Variants in RICTOR observed in about 807,000 individuals in gnomAD.
RICTOR encodes the protein RPTOR independent companion of MTOR complex 2.
In RICTOR, 49 loss-of-function variants were observed where a neutral mutation model predicts 214.9. The observed-to-expected ratio is 0.23, with a 90% confidence interval of 0.18 to 0.29. The LOEUF is 0.29. RICTOR is among the 10% of genes least tolerant of loss of function. RICTOR has a pLI of 1.00. For synonymous variants in RICTOR, 717 were observed against 711.3 expected, an observed-to-expected ratio of 1.01 and a Z score of -0.13; for missense variants, 1,625 against 2,047.0, an observed-to-expected ratio of 0.79 and a Z score of 3.98.
At chr5:39,052,155 C>A (rs1212296082) in intron 2 of RICTOR, among the ~76,000 whole-genome samples, 1 of 152,068 alleles carries the variant, frequency 6.6e-6, no homozygotes, top group Non-Finnish European at 1.5e-5. Context: ...GGGTGGACTG[C>A]TTGAGAACAA....
rs1752840279 is a variant in RICTOR, at chr5:38,992,221, T to A, written c.457-1146A>T. Reference sequence around the variant, plus strand: ...ATCTACAAAAGCTTTCATATTCATTTCTAAGTCAGTTTTTTCAATTAACTG... The same window carrying A: ...ATCTACAAAAGCTTTCATATTCATTACTAAGTCAGTTTTTTCAATTAACTG... On this transcript the variant is annotated intron_variant, in intron 6 of 37. Coordinates refer to ENST00000357387, the MANE Select transcript of RICTOR (RefSeq NM_152756.5). Among the ~76,000 whole-genome samples the A allele has an allele frequency of 2.0e-5, 3 of 152,166 alleles. No individual in the cohort carries two copies. In the South Asian group the frequency reaches 6.2e-4, roughly 31 times the overall value.
Position 38,957,417 on chromosome 5 carries a change from T to G in RICTOR, c.2499+235A>C, listed in dbSNP as rs148627757. 2.0e-3 allele frequency among the ~76,000 whole-genome samples: 298 copies of G among 152,186 alleles called. 1 individual carries two copies. Among genetic ancestry groups the G allele is most frequent in the African/African-American group, 7.0e-3 (292 of 41,552 alleles). ...AAATGAGTTGAGAGTCAAATTTCAA[T>G]AGAACGAATACAGTCAACAGTTCAG... On this transcript the variant is annotated intron_variant, in intron 25 of 37. Transcript: ENST00000357387.
rs533552284 is a variant in RICTOR, at chr5:39,060,070, G to C, written c.97+14041C>G. On this transcript the variant is annotated intron_variant, in intron 2 of 37. Coordinates refer to ENST00000357387, the MANE Select transcript of RICTOR (RefSeq NM_152756.5). ...TCAGTACCTTATTAGATGTTATTTT[G>C]TCCATATTAGTTATATTTTGTAACT... Among the ~76,000 whole-genome samples the C allele has an allele frequency of 2.0e-5, 3 of 152,062 alleles. No individual in the cohort carries two copies. The South Asian group carries it at 6.2e-4, about 32-fold the overall frequency.
At chr5:38,985,664 G>A (rs989969895) in intron 7 of RICTOR, among the ~76,000 whole-genome samples, 1 of 150,330 alleles carries the variant, frequency 6.7e-6, no homozygotes, top group Admixed American at 6.6e-5. Context: ...TTTTTTCCCT[G>A]TTTAGCCCTT....
Position 39,074,356 on chromosome 5 carries a change from G to T in RICTOR, c.22C>A (p.Arg8Ser). 1 of 1,538,672 alleles carries T rather than the reference G, an allele frequency of 6.5e-7. No individual in the cohort carries two copies. Among genetic ancestry groups the T allele is most frequent in the Non-Finnish European group, 8.8e-7 (1 of 1,142,038 alleles). MAAIGRGRSLKNLRVRGR... is the reference protein window; with the variant it reads MAAIGRGSSLKNLRVRGR... Reference sequence around the variant, plus strand: ...CGTACTCGGAGGTTCTTCAGAGAGCGGCCGCGGCCGATCGCCGCCATATTG... The same window carrying T: ...CGTACTCGGAGGTTCTTCAGAGAGCTGCCGCGGCCGATCGCCGCCATATTG... Residue 8 changes from arginine (R) to serine (S), a missense_variant, in exon 1 of 38, where the codon CGC becomes AGC. Arg to Ser is a moderately radical substitution (Grantham distance 110). Around this residue, in one of 5 missense-constraint regions of RICTOR, gnomAD observed 71 missense variants for 57.9 expected, o/e 1.23. Transcript: ENST00000357387.
At chr5:39,055,648 T>A (rs1377865982) in intron 2 of RICTOR, among the ~76,000 whole-genome samples, 1 of 152,004 alleles carries the variant, frequency 6.6e-6, no homozygotes, top group East Asian at 1.9e-4. Flanking sequence ...GAGGCAGACA[T>A]GTGAATAAAA....
intron 5 of RICTOR, among the ~76,000 whole-genome samples, chr5:38,997,860 G>A (rs1326408654): frequency 6.6e-6 from 1 of 152,134 alleles, no homozygotes; most frequent in African/African-American, 2.4e-5. Flanking sequence ...TAACTTCAGG[G>A]CAGCCAAAGT....
At position 39,058,604 on chromosome 5, in the gene RICTOR, G is replaced by C. The variant is rs554602604; in HGVS notation, c.97+15507C>G. Among the ~76,000 whole-genome samples, 85 of 152,152 alleles carry C rather than the reference G, an allele frequency of 5.6e-4. 1 individual carries two copies. In the South Asian group the frequency reaches 0.017, roughly 30 times the overall value. ...ATATGTATGCTCTTTCAAGGAGAAG[G>C]ATCTCTATTTTGTATTCTAACAACT... On this transcript the variant is annotated intron_variant, in intron 2 of 37. Transcript: ENST00000357387.
chr5:39,056,711 A>G (rs1220152455), intron 2 of RICTOR, among the ~76,000 whole-genome samples: 1 of 152,190 alleles, frequency 6.6e-6, no homozygotes, highest in Non-Finnish European at 1.5e-5. Context: ...AGACACAGTG[A>G]TCAGAGAAGG....
At chr5:39,013,666 A>G (rs1353501330) in intron 3 of RICTOR, among the ~76,000 whole-genome samples, 2 of 152,054 alleles carry the variant, frequency 1.3e-5, no homozygotes, top group East Asian at 3.8e-4. Flanking sequence ...CACATACTAG[A>G]ATTCCATGGC....
chr5:38,944,587 A>C lies in RICTOR; in HGVS notation c.4790-18T>G, dbSNP rs1747962620. The C allele has an allele frequency of 6.4e-7, 1 of 1,566,540 alleles. No homozygotes were observed. The highest frequency in any genetic ancestry group is 8.6e-7 in the Non-Finnish European group (1 of 1,157,262). On this transcript the variant is annotated intron_variant, in intron 35 of 37. Coordinates refer to ENST00000357387, the MANE Select transcript of RICTOR (RefSeq NM_152756.5). The stretch of plus-strand genomic sequence containing the variant: ...TTTAACACCTGAAAAGATTTCAGGG[A>C]GAAGTTAAATATTATCTATGTCACA...
rs11435048 is a variant in RICTOR, at chr5:38,966,801, A to ATTT, written c.1219-83_1219-81dup. ...TTATGCATCAGATTTATTTTTCAAA[A>ATTT]TTTTTTTTTTTTTTTTAAGACAAGA... On this transcript the variant is annotated intron_variant, in intron 14 of 37. Transcript: ENST00000357387. 9.6e-3 allele frequency: 5,244 copies of ATTT among 547,978 alleles called. 1 individual carries two copies. The highest frequency in any genetic ancestry group is 0.014 in the East Asian group (409 of 29,252). 33.9% of individuals were successfully genotyped at this position (547,978 alleles called of 1,614,324 possible).
intron 3 of RICTOR, among the ~76,000 whole-genome samples, chr5:39,007,491 T>C (rs1045381700): frequency 5.9e-5 from 9 of 152,100 alleles, no homozygotes; most frequent in Admixed American, 5.2e-4. Context: ...AAATTCAACA[T>C]ACGAATTTTG....
At chr5:38,958,559 A>T in intron 23 of RICTOR, 40 bp from the exon 24 acceptor site, 1 of 1,564,740 alleles carries the variant, frequency 6.4e-7, no homozygotes. Flanking sequence ...ATTGCACAAA[A>T]ATAGCAAAAT....
chr5:39,038,291 A>C (rs1313297348), intron 2 of RICTOR, among the ~76,000 whole-genome samples: 1 of 152,218 alleles, frequency 6.6e-6, no homozygotes, highest in African/African-American at 2.4e-5. Context: ...AAAAACTCTC[A>C]ATAAGTTAGG....
chr5:38,975,170 T>A (rs1428776037), intron 10 of RICTOR, among the ~76,000 whole-genome samples: 1 of 152,222 alleles, frequency 6.6e-6, no homozygotes, highest in East Asian at 1.9e-4. Context: ...TTTGTATCTA[T>A]GACACTACAC....
At chr5:38,971,477 A>T (rs1750781308) in intron 11 of RICTOR, 1 of 152,066 alleles carries the variant, frequency 6.6e-6, no homozygotes, top group Admixed American at 6.7e-5. Flanking sequence ...GGTTCAAGCG[A>T]TTCTCCTGCC....
In RICTOR at chr5:38,953,442, A is replaced by G. The variant is rs760086542; in HGVS notation, c.2790+19T>C. 4.5e-6 allele frequency: 5 copies of G among 1,116,108 alleles called. No individual in the cohort carries two copies. The African/African-American group carries it at 8.2e-5, about 18-fold the overall frequency. 69.1% of individuals were successfully genotyped at this position (1,116,108 alleles called of 1,614,324 possible). ...AATCTAAAAATTGCGAAGATCTTAC[A>G]GAAGTGTTTATTACAAACCAAGGCC... On this transcript the variant is annotated intron_variant, in intron 28 of 37. Coordinates refer to ENST00000357387, the MANE Select transcript of RICTOR (RefSeq NM_152756.5).
intron 37 of RICTOR, 50 bp downstream of exon 37, chr5:38,942,783 C>T (rs1233593811): frequency 2.1e-6 from 3 of 1,415,808 alleles, no homozygotes; most frequent in African/African-American, 1.4e-5. Context: ...TCAATTCAAA[C>T]ACAGAATTAT....
Sources: allele counts gnomAD v4.1 joint callset (sites outside exome capture counted in the v4.1 genomes callset), GRCh38; gene constraint gnomAD v4.1.1; regional missense constraint gnomAD v4.1.1; transcripts MANE v1.5; gene names NCBI Gene and HGNC (gene_info 2026-07-23, HGNC 2026-07-21).